The following RBBP8 variants were observed in gnomAD, a reference collection of about 807,000 sequenced individuals.
RBBP8 encodes DNA endonuclease RBBP8.
Under a neutral mutation model 108.3 loss-of-function variants are expected in RBBP8, and 88 were observed. The ratio of observed to expected loss-of-function variants is 0.81; its 90% CI spans 0.68 to 0.97. The LOEUF (loss-of-function observed/expected upper bound fraction) is 0.97, where lower values mean the gene tolerates loss of function less well. Ranked by LOEUF, RBBP8 falls within the 50% of genes least tolerant of loss-of-function variation. The pLI is 0.00. For missense variants in RBBP8, 1,023 were observed against 1,049.0 expected (o/e 0.98, Z 0.34); for synonymous variants, 332 against 348.2 (o/e 0.95, Z 0.52).
chr18:22,975,057 A>C, intron 5 of RBBP8, 96 bp from the exon 6 acceptor site: 1 of 1,373,990 alleles, frequency 7.3e-7, no homozygotes, highest in Non-Finnish European at 9.9e-7. Flanking sequence ...TAGAAGTACT[A>C]ATTTCTTCAT....
chr18:22,980,406 G>A (rs1278468462), intron 6 of RBBP8, among the ~76,000 whole-genome samples: 1 of 152,188 alleles, frequency 6.6e-6, no homozygotes, highest in Non-Finnish European at 1.5e-5. Flanking sequence ...CAGCAGACTT[G>A]AAGGAGATTA....
chr18:22,974,827 G>A lies in RBBP8; in HGVS notation c.362-326G>A, dbSNP rs554049597. On this transcript the variant is annotated intron_variant, in intron 5 of 18. Transcript: ENST00000327155. ...GCTAAAATGGTATTTGAAATTAGTA[G>A]GACTGAGTAACCAGATGGAATGCTT... is the stretch of plus-strand genomic sequence containing the variant. Among the ~76,000 whole-genome samples the A allele has an allele frequency of 2.6e-5, 4 of 152,202 alleles. No individual in the cohort carries two copies. In the East Asian group the frequency reaches 7.7e-4, roughly 29 times the overall value.
intron 3 of RBBP8, among the ~76,000 whole-genome samples, chr18:22,946,708 C>G (rs1911595785): frequency 1.3e-5 from 2 of 151,738 alleles, no homozygotes; most frequent in East Asian, 3.8e-4. Flanking sequence ...TAAGTGTAGC[C>G]TTAATTATGT....
At chr18:22,927,968 G>A (rs926512946) in intron 3 of RBBP8, among the ~76,000 whole-genome samples, 19 of 151,590 alleles carry the variant, frequency 1.3e-4, no homozygotes, top group African/African-American at 4.4e-4. Context: ...CAGCACTTTG[G>A]GAGGCCGAGG....
At chr18:22,923,633 A>T (rs1909682180) in intron 3 of RBBP8, among the ~76,000 whole-genome samples, 1 of 152,220 alleles carries the variant, frequency 6.6e-6, no homozygotes, top group South Asian at 2.1e-4. Flanking sequence ...TTAATCTCTC[A>T]TCCTATCTCC....
intron 16 of RBBP8, among the ~76,000 whole-genome samples, chr18:23,013,287 T>C (rs957812367): frequency 1.3e-5 from 2 of 152,102 alleles, no homozygotes; most frequent in Admixed American, 6.6e-5. Context: ...TAAGGATAGT[T>C]TGGCAGAGAG....
At chr18:22,937,656 T>C (rs1320032070) in intron 2 of RBBP8, among the ~76,000 whole-genome samples, 2 of 151,904 alleles carry the variant, frequency 1.3e-5, no homozygotes, top group Non-Finnish European at 2.9e-5. Flanking sequence ...TTTTTTATTT[T>C]TTGTAGAGTC....
chr18:22,959,870 C>CTTTTTTTT (rs35259762), intron 4 of RBBP8, among the ~76,000 whole-genome samples: 6 of 86,384 alleles, frequency 6.9e-5, no homozygotes, highest in Non-Finnish European at 9.0e-5. Flanking sequence ...GATGAACTTT[C>CTTTTTTTT]TTTTTTTTTT....
intron 16 of RBBP8, among the ~76,000 whole-genome samples, chr18:23,007,908 G>A (rs978969158): frequency 6.6e-6 from 1 of 151,598 alleles, no homozygotes; most frequent in Non-Finnish European, 1.5e-5. Flanking sequence ...TGCCTCCTGG[G>A]TTCAAGCAAT....
chr18:22,996,546 C>T lies in RBBP8; in HGVS notation c.2028+84C>T, dbSNP rs2045862664. ...AACCTCCTCTCGTGACTCACTGTAT[C>T]ACCTTAAGATAATCAGATACGTCTT... On this transcript the variant is annotated intron_variant, in intron 13 of 18. Coordinates refer to ENST00000327155, the MANE Select transcript of RBBP8 (RefSeq NM_002894.3). 5 of 1,564,732 alleles carry T rather than the reference C, an allele frequency of 3.2e-6. No individual in the cohort carries two copies. In the South Asian group the frequency reaches 5.8e-5, roughly 18 times the overall value.
In RBBP8 at chr18:22,916,897, T is replaced by C. The variant is rs545395295; in HGVS notation, c.-239-44T>C. The C allele has an allele frequency of 3.3e-5, 5 of 152,338 alleles. No individual in the cohort carries two copies. The East Asian group carries it at 9.6e-4, about 29-fold the overall frequency. The allele number at this position is 152,338 out of a possible 1,614,324, so 9.4% of individuals were successfully genotyped here. On this transcript the variant is annotated intron_variant, in intron 2 of 4. Transcript: ENST00000577588. ...TAGTCATTCTTAAATGCTCATAATT[T>C]AGGATTTGCCTAAGTTAATATAGTA...
intron 2 of RBBP8, among the ~76,000 whole-genome samples, chr18:22,937,862 G>A (rs184095303): frequency 5.6e-4 from 83 of 149,296 alleles, no homozygotes; most frequent in African/African-American, 1.5e-3. Flanking sequence ...TTCTCACTCC[G>A]TTGCCCAGGC....
intron 4 of RBBP8, among the ~76,000 whole-genome samples, chr18:22,950,590 C>T (rs961472001): frequency 6.9e-6 from 1 of 145,794 alleles, no homozygotes; most frequent in Non-Finnish European, 1.5e-5. Flanking sequence ...AAAAAAAATA[C>T]AAACCCACGA....
chr18:22,963,825 G>C (rs1355135377), intron 4 of RBBP8, among the ~76,000 whole-genome samples: 2 of 152,132 alleles, frequency 1.3e-5, no homozygotes, highest in Admixed American at 6.5e-5. Context: ...GGTTTCAGCA[G>C]TTAATTGTGG....
At chr18:22,982,628 GTAAA>G (rs1353707678) in intron 7 of RBBP8, among the ~76,000 whole-genome samples, 1 of 152,082 alleles carries the variant, frequency 6.6e-6, no homozygotes, top group African/African-American at 2.4e-5. Flanking sequence ...TATAAATGTA[GTAAA>G]TAGTTTCTTT....
Position 22,972,187 on chromosome 18 carries a change from C to T in RBBP8, c.362-2966C>T, listed in dbSNP as rs145281243. Among the ~76,000 whole-genome samples, 1,253 of 149,424 alleles carry T rather than the reference C, an allele frequency of 8.4e-3. 21 individuals are homozygous for T. Among genetic ancestry groups the T allele is most frequent in the African/African-American group, 0.029 (1,207 of 40,934 alleles). ...TGGCCAAGATGGTGAAAACCCGTCT[C>T]TACTAAAAAAAATACAAAAATTAGC... On this transcript the variant is annotated intron_variant, in intron 5 of 18. Coordinates refer to ENST00000327155, the MANE Select transcript of RBBP8 (RefSeq NM_002894.3).
chr18:22,969,325 A>G (rs1598681632), intron 5 of RBBP8, among the ~76,000 whole-genome samples: 1 of 152,082 alleles, frequency 6.6e-6, no homozygotes, highest in Admixed American at 6.5e-5. Context: ...TACTGTTTTC[A>G]TAAGTATACT....
At chr18:22,996,892 G>C (rs985560091) in intron 13 of RBBP8, among the ~76,000 whole-genome samples, 1 of 152,172 alleles carries the variant, frequency 6.6e-6, no homozygotes, top group Non-Finnish European at 1.5e-5. Context: ...AGCTACTTGG[G>C]AGGCTGAGGT....
At chr18:22,938,804 A>C (rs530015307) in intron 2 of RBBP8, among the ~76,000 whole-genome samples, 4 of 152,356 alleles carry the variant, frequency 2.6e-5, no homozygotes, top group Non-Finnish European at 5.9e-5. Context: ...CGTAGCACTG[A>C]AATACAAAAG....
Sources: allele counts gnomAD v4.1 joint callset (sites outside exome capture counted in the v4.1 genomes callset), GRCh38; gene constraint gnomAD v4.1.1; transcripts MANE v1.5; gene names NCBI Gene and HGNC (gene_info 2026-07-23, HGNC 2026-07-21).